Variants in ZZEF1 observed in about 807,000 individuals in gnomAD.
ZZEF1 encodes zinc finger ZZ-type and EF-hand domain-containing protein 1.
In ZZEF1, 157 loss-of-function variants were observed where a neutral mutation model predicts 342.8. That is an observed-to-expected ratio of 0.46 (90% CI 0.40 to 0.52). ZZEF1 has a LOEUF of 0.52. ZZEF1 is among the 20% of genes least tolerant of loss of function. The pLI is 0.00. For synonymous variants in ZZEF1, 1,505 were observed against 1,429.1 expected, an observed-to-expected ratio of 1.05 and a Z score of -1.20; for missense variants, 3,480 against 3,725.6, an observed-to-expected ratio of 0.93 and a Z score of 1.72.
intron 32 of ZZEF1, among the ~76,000 whole-genome samples, chr17:4,057,272 C>T (rs947699572): frequency 2.8e-4 from 43 of 152,186 alleles, no homozygotes; most frequent in African/African-American, 9.7e-4. Flanking sequence ...GCTCCAACAG[C>T]GAGGCGACAG....
chr17:4,114,402 A>G lies in ZZEF1; in HGVS notation c.763T>C (p.Tyr255His), dbSNP rs777726420. ...KLKSVAKCYA[Y>H]IETSSNSADI... is the part of the protein sequence containing the mutation. Reference sequence around the variant, plus strand: ...GCCGAGTTGGAGGATGTTTCTATATAAGCATAGCACTTTGCTACTGACTTG... The same window carrying G: ...GCCGAGTTGGAGGATGTTTCTATATGAGCATAGCACTTTGCTACTGACTTG... Residue 255 changes from tyrosine to histidine, a missense_variant, in exon 4 of 55, where the codon TAT becomes CAT. Tyr to His is a moderately conservative substitution (Grantham distance 83). Coordinates refer to ENST00000381638, the MANE Select transcript of ZZEF1 (RefSeq NM_015113.4). 1.2e-6 allele frequency: 2 copies of G among 1,611,738 alleles called. No homozygotes were observed. The highest frequency in any genetic ancestry group is 8.5e-7 in the Non-Finnish European group (1 of 1,178,998).
Position 4,032,990 on chromosome 17 carries a change from C to T in ZZEF1, c.6597G>A (p.Leu2199=), listed in dbSNP as rs1487455514. 5 of 1,574,498 alleles carry T rather than the reference C, an allele frequency of 3.2e-6. No homozygotes were observed. The Admixed American group carries it at 7.5e-5, about 24-fold the overall frequency. ...GAVCLDSRVG[L]DWACSMAEIL... is the part of the protein sequence containing the mutation. ...TCTCTGCCATGGAGCACGCCCAGTC[C>T]AAGCCCACCCGGCTGGAAGGCAAGA... Residue 2199 remains leucine, a synonymous_variant, in exon 41 of 55, where the codon TTG becomes TTA. Coordinates refer to ENST00000381638, the MANE Select transcript of ZZEF1 (RefSeq NM_015113.4).
chr17:4,125,293 A>T (rs1020936707), intron 1 of ZZEF1, among the ~76,000 whole-genome samples: 2 of 152,086 alleles, frequency 1.3e-5, no homozygotes, highest in African/African-American at 4.8e-5. Flanking sequence ...TTTCCAAGTA[A>T]CCCTCTCTCT....
intron 39 of ZZEF1, among the ~76,000 whole-genome samples, chr17:4,039,433 G>C (rs1173991422): frequency 1.3e-5 from 2 of 151,926 alleles, no homozygotes; most frequent in Non-Finnish European, 2.9e-5. Flanking sequence ...TCGCACCACT[G>C]AACTCCAGCC....
chr17:4,112,467 C>G (rs897795675), intron 5 of ZZEF1, 142 bp downstream of exon 5: 2 of 904,608 alleles, frequency 2.2e-6, no homozygotes, highest in African/African-American at 3.3e-5. Flanking sequence ...ATTTCTACAA[C>G]ACTTAATGAA....
rs2055901360 is a variant in ZZEF1, at chr17:4,009,885, G to A, written c.8580-128C>T. On this transcript the variant is annotated intron_variant, in intron 52 of 54. Transcript: ENST00000381638. ...AGCTGGTACAAATGATTATAAAGTCGCCTCACCTATGCTCCCCACAAAGCA... is the reference window on the plus strand; with the variant it reads ...AGCTGGTACAAATGATTATAAAGTCACCTCACCTATGCTCCCCACAAAGCA... 13 of 1,127,196 alleles carry A rather than the reference G, an allele frequency of 1.2e-5. No individual in the cohort carries two copies. In the South Asian group the frequency reaches 1.7e-4, roughly 15 times the overall value. 69.8% of individuals were successfully genotyped at this position (1,127,196 alleles called of 1,614,324 possible).
chr17:4,107,933 C>T (rs554155447), intron 6 of ZZEF1, among the ~76,000 whole-genome samples: 73 of 152,158 alleles, frequency 4.8e-4, no homozygotes, highest in Non-Finnish European at 9.1e-4. Context: ...GGAAGCATTC[C>T]GAGAATAATG....
intron 32 of ZZEF1, 96 bp from the exon 33 acceptor site, chr17:4,056,441 G>A: frequency 7.8e-7 from 1 of 1,278,528 alleles, no homozygotes; most frequent in Non-Finnish European, 1.0e-6. Context: ...CTATTATATT[G>A]GGCATTTTTC....
intron 37 of ZZEF1, among the ~76,000 whole-genome samples, chr17:4,045,183 T>A (rs1225836584): frequency 6.6e-6 from 1 of 152,010 alleles, no homozygotes; most frequent in East Asian, 1.9e-4. Context: ...AACCATTGCA[T>A]CGCATCCCCC....
In ZZEF1 at chr17:4,114,308, T is replaced by C; in HGVS notation, c.857A>G (p.His286Arg). The change falls in exon 4 of 55, where the codon CAC becomes CGC. Residue 286 changes from histidine (H) to arginine (R), a missense_variant. Physicochemically the swap from His to Arg is conservative, Grantham distance 29. Coordinates refer to ENST00000381638, the MANE Select transcript of ZZEF1 (RefSeq NM_015113.4). Reference protein sequence around the residue: ...YWQSDGSACSHWIRLKMKPDV... With the variant: ...YWQSDGSACSRWIRLKMKPDV... ...ATTATATACCACCCACCGAATCCAG[T>C]GTGAACAGGCACTGCCATCTGACTG... 1.3e-6 allele frequency: 2 copies of C among 1,593,032 alleles called. No homozygotes were observed. The highest frequency in any genetic ancestry group is 8.5e-7 in the Non-Finnish European group (1 of 1,172,202).
At chr17:4,136,563 G>A (rs8064712) in intron 1 of ZZEF1, among the ~76,000 whole-genome samples, 2 of 151,962 alleles carry the variant, frequency 1.3e-5, no homozygotes, top group Non-Finnish European at 1.5e-5. Flanking sequence ...AGGCTGGCTC[G>A]AGGCCCAGTT....
At chr17:4,106,623 T>C (rs1349306082) in intron 6 of ZZEF1, among the ~76,000 whole-genome samples, 3 of 152,190 alleles carry the variant, frequency 2.0e-5, no homozygotes, top group Non-Finnish European at 4.4e-5. Context: ...CCTTTCCACC[T>C]TAATGTCTGT....
chr17:4,133,429 C>T (rs761861570), intron 1 of ZZEF1, among the ~76,000 whole-genome samples: 1 of 152,136 alleles, frequency 6.6e-6, no homozygotes, highest in Non-Finnish European at 1.5e-5. Flanking sequence ...CAGATAACCC[C>T]TCGGGTTCCT....
intron 16 of ZZEF1, 143 bp downstream of exon 16, chr17:4,085,527 T>A: frequency 1.0e-6 from 1 of 959,200 alleles, no homozygotes; most frequent in Non-Finnish European, 1.5e-6. Context: ...TCCTTAGATA[T>A]CTGTCCCACA....
intron 37 of ZZEF1, among the ~76,000 whole-genome samples, chr17:4,046,266 G>C (rs1257633615): frequency 6.6e-6 from 1 of 152,226 alleles, no homozygotes; most frequent in Non-Finnish European, 1.5e-5. Context: ...GAGCTGCCCA[G>C]ATGGGCAAGG....
intron 1 of ZZEF1, among the ~76,000 whole-genome samples, chr17:4,139,019 A>C (rs1158105093): frequency 6.9e-6 from 1 of 144,388 alleles, no homozygotes; most frequent in Non-Finnish European, 1.5e-5. Context: ...AACTGAGGTC[A>C]CAGGAATGTG....
intron 5 of ZZEF1, among the ~76,000 whole-genome samples, 184 bp downstream of exon 5, chr17:4,112,425 C>T (rs2058328267): frequency 6.6e-6 from 1 of 152,112 alleles, no homozygotes; most frequent in African/African-American, 2.4e-5. Context: ...GGATTACAGG[C>T]GTGAGCCAGC....
rs987501666 is a variant in ZZEF1 at position 4,016,807 on chromosome 17, G to A, written c.8002-341C>T. The A allele has an allele frequency of 2.2e-5, 5 of 225,924 alleles. No individual in the cohort carries two copies. Among genetic ancestry groups the A allele is most frequent in the Non-Finnish European group, 4.4e-5 (5 of 114,498 alleles). 14.0% of individuals were successfully genotyped at this position (225,924 alleles called of 1,614,324 possible). A position where few individuals can be genotyped will look rare whatever the true frequency, so the allele number is the denominator to read the frequency against. ...TAAATAATGACCACACAATGTAATC[G>A]ATGCCTGGAGTGAGGTGCAGGGTTG... On this transcript the variant is annotated intron_variant, in intron 48 of 54. Coordinates refer to ENST00000381638, the MANE Select transcript of ZZEF1 (RefSeq NM_015113.4). The surrounding 1 kb of genome is among the most constrained non-coding windows in gnomAD (Gnocchi z 4.4).
rs535904281 is a variant in ZZEF1, at chr17:4,075,772, A to G, written c.3235-343T>C. On this transcript the variant is annotated intron_variant, in intron 21 of 54. Coordinates refer to ENST00000381638, the MANE Select transcript of ZZEF1 (RefSeq NM_015113.4). ...TAAAGACCTCACATTCCTACCTGGG[A>G]CACTGGCAAATCTGGATCTACTCTC... is the stretch of plus-strand genomic sequence containing the variant. Among the ~76,000 whole-genome samples the G allele has an allele frequency of 6.0e-5, 9 of 149,432 alleles. 1 individual carries two copies. Among genetic ancestry groups the G allele is most frequent in the African/African-American group, 1.2e-4 (5 of 40,164 alleles).
Sources: gnomAD v4.1 joint callset for allele counts (sites outside exome capture counted in the v4.1 genomes callset) on GRCh38, gnomAD v4.1.1 for gene constraint, Gnocchi (gnomAD v3.1) non-coding constraint, MANE v1.5 for transcripts, NCBI Gene and HGNC (gene_info 2026-07-23, HGNC 2026-07-21) for gene names.